The following ARHGAP42 variants were observed in gnomAD, a reference collection of about 807,000 sequenced individuals.
ARHGAP42 encodes Rho GTPase activating protein 42.
Under a neutral mutation model 125.0 loss-of-function variants are expected in ARHGAP42, and 63 were observed. The observed-to-expected ratio is 0.50, with a 90% CI of 0.41 to 0.62. ARHGAP42 has a LOEUF of 0.62. Ranked by LOEUF, ARHGAP42 falls within the 20% of genes least tolerant of loss-of-function variation. The pLI is 0.00. For synonymous variants in ARHGAP42, 339 were observed against 351.0 expected (o/e 0.97, Z 0.38); for missense variants, 766 against 1,024.2 (o/e 0.75, Z 3.44).
At chr11:100,776,368 C>G (rs546847359) in intron 2 of ARHGAP42, among the ~76,000 whole-genome samples, 30 of 152,226 alleles carry the variant, frequency 2.0e-4, no homozygotes, top group South Asian at 1.0e-3. Flanking sequence ...GAGCTTTGGA[C>G]TCAAGAGATT....
intron 2 of ARHGAP42, among the ~76,000 whole-genome samples, chr11:100,785,988 G>C (rs1863423181): frequency 6.6e-6 from 1 of 152,152 alleles, no homozygotes; most frequent in South Asian, 2.1e-4. Context: ...GCAAGTTCTA[G>C]CTGATGGATT....
intron 3 of ARHGAP42, among the ~76,000 whole-genome samples, chr11:100,831,243 AG>A (rs1864657155): frequency 6.6e-6 from 1 of 152,154 alleles, no homozygotes; most frequent in South Asian, 2.1e-4. Context: ...GACCTTGTAA[AG>A]GGTAGCTCAG....
At chr11:100,812,806 C>CG (rs1864179803) in intron 3 of ARHGAP42, among the ~76,000 whole-genome samples, 1 of 152,080 alleles carries the variant, frequency 6.6e-6, no homozygotes, top group African/African-American at 2.4e-5. Flanking sequence ...GTTGATTGGG[C>CG]GGGGGGATTA....
rs549168476 is a variant in ARHGAP42, at chr11:100,984,443, C to G, written c.2457-3070C>G. ...TTTAGTATCTTTCTACCTCCGTGCA[C>G]TCCTATTCCCTTCAGAAGTGAAACC... On this transcript the variant is annotated intron_variant, in intron 22 of 23. Coordinates refer to ENST00000298815, the MANE Select transcript of ARHGAP42 (RefSeq NM_152432.4). Among the ~76,000 whole-genome samples, 7 of 151,336 alleles carry G rather than the reference C, an allele frequency of 4.6e-5. No homozygotes were observed. In the East Asian group the frequency reaches 5.8e-4, roughly 13 times the overall value.
At chr11:100,756,061 G>A (rs763381530) in intron 1 of ARHGAP42, among the ~76,000 whole-genome samples, 1 of 151,842 alleles carries the variant, frequency 6.6e-6, no homozygotes, top group Non-Finnish European at 1.5e-5. Flanking sequence ...TAATATTTTA[G>A]CATTTCTAAA....
In ARHGAP42 at chr11:100,867,336, A is replaced by G. The variant is rs183667849; in HGVS notation, c.384+7711A>G. On this transcript the variant is annotated intron_variant, in intron 4 of 23. Transcript: ENST00000298815. Reference sequence around the variant, plus strand: ...GAAGGCTGTTTTGTCTACATTGACAATCTGTTGTTTGGTGTAGCCACCTTC... The same window carrying G: ...GAAGGCTGTTTTGTCTACATTGACAGTCTGTTGTTTGGTGTAGCCACCTTC... Among the ~76,000 whole-genome samples the G allele has an allele frequency of 3.4e-3, 521 of 152,288 alleles. 6 individuals carry two copies. The highest frequency in any genetic ancestry group is 3.9e-3 in the East Asian group (20 of 5,182).
intron 3 of ARHGAP42, among the ~76,000 whole-genome samples, chr11:100,832,229 T>A (rs1864679888): frequency 6.6e-6 from 1 of 152,210 alleles, no homozygotes; most frequent in South Asian, 2.1e-4. Context: ...GGGGATAGGC[T>A]TTTTCTTTAC....
intron 4 of ARHGAP42, among the ~76,000 whole-genome samples, chr11:100,874,517 G>T (rs564087046): frequency 2.0e-5 from 3 of 152,116 alleles, no homozygotes; most frequent in South Asian, 2.1e-4. Flanking sequence ...GTGTCAGATC[G>T]CAAAGGTCTT....
intron 3 of ARHGAP42, among the ~76,000 whole-genome samples, chr11:100,814,987 G>A (rs188452280): frequency 3.6e-4 from 55 of 152,336 alleles, no homozygotes; most frequent in African/African-American, 1.2e-3. Context: ...CATAAGATGT[G>A]AGTTGGCCTC....
chr11:100,958,036 A>T (rs1037995046), intron 12 of ARHGAP42, among the ~76,000 whole-genome samples: 10 of 152,184 alleles, frequency 6.6e-5, no homozygotes, highest in Non-Finnish European at 1.5e-4. Flanking sequence ...TCTAGTACCA[A>T]ACATTTTAAA....
At position 100,725,969 on chromosome 11, in the gene ARHGAP42, G is replaced by C. The variant is rs139995640; in HGVS notation, c.154+38137G>C. ...AAAAAAAAGCCAGGCATGGTGGTGC[G>C]TACCTGTAGTCCCAGCTACTTGGAA... On this transcript the variant is annotated intron_variant, in intron 1 of 23. Transcript: ENST00000298815. Among the ~76,000 whole-genome samples, 775 of 149,666 alleles carry C rather than the reference G, an allele frequency of 5.2e-3. 5 individuals are homozygous for C. The highest frequency in any genetic ancestry group is 7.1e-3 in the Non-Finnish European group (476 of 67,494).
chr11:100,841,087 C>A (rs1476877383), intron 3 of ARHGAP42, among the ~76,000 whole-genome samples: 1 of 152,114 alleles, frequency 6.6e-6, no homozygotes, highest in African/African-American at 2.4e-5. Flanking sequence ...TTGATACGTA[C>A]ACTTTTGTGT....
At chr11:100,688,020 T>C (rs1015134411) in intron 1 of ARHGAP42, 188 bp downstream of exon 1, 45 of 546,234 alleles carry the variant, frequency 8.2e-5, no homozygotes, top group Non-Finnish European at 1.2e-4. Context: ...TACTCACATG[T>C]CTACAGGGAT....
intron 3 of ARHGAP42, among the ~76,000 whole-genome samples, chr11:100,849,854 A>G (rs1481012631): frequency 6.6e-6 from 1 of 152,294 alleles, no homozygotes; most frequent in Non-Finnish European, 1.5e-5. Flanking sequence ...TGTGACATAA[A>G]CATCCCAAGT....
chr11:100,952,259 A>G (rs506242), intron 12 of ARHGAP42, among the ~76,000 whole-genome samples: 8 of 151,984 alleles, frequency 5.3e-5, no homozygotes, highest in African/African-American at 1.7e-4. Flanking sequence ...TTTAATTAGT[A>G]AAGTTTCCTT....
intron 14 of ARHGAP42, 146 bp from the exon 15 acceptor site, chr11:100,961,538 A>G (rs1439748371): frequency 6.4e-6 from 4 of 624,354 alleles, no homozygotes; most frequent in Non-Finnish European, 1.1e-5. Context: ...AATTCACGCA[A>G]ACAACAGTAC....
At chr11:100,747,484 C>A (rs138274640) in intron 1 of ARHGAP42, among the ~76,000 whole-genome samples, 1 of 152,084 alleles carries the variant, frequency 6.6e-6, no homozygotes, top group Non-Finnish European at 1.5e-5. Flanking sequence ...TGTTAAAGAG[C>A]GGATTAGTGC....
At chr11:100,763,828 T>C (rs1862766429) in intron 1 of ARHGAP42, among the ~76,000 whole-genome samples, 1 of 152,196 alleles carries the variant, frequency 6.6e-6, no homozygotes, top group Non-Finnish European at 1.5e-5. Flanking sequence ...ATGACCATTT[T>C]ATGTGCATTT....
chr11:100,852,957 T>G (rs17095674), intron 3 of ARHGAP42, among the ~76,000 whole-genome samples: 5,369 of 152,250 alleles, frequency 0.035, 205 homozygotes, highest in African/African-American at 0.095. Flanking sequence ...AGCGAGTATT[T>G]AACCTGTTGG....
Sources: gnomAD v4.1 joint callset for allele counts (sites outside exome capture counted in the v4.1 genomes callset) on GRCh38, gnomAD v4.1.1 for gene constraint, MANE v1.5 for transcripts, NCBI Gene and HGNC (gene_info 2026-07-23, HGNC 2026-07-21) for gene names.